ADAM22: variants seen among roughly 807,000 people sequenced by gnomAD.
ADAM22 encodes the protein disintegrin and metalloproteinase domain-containing protein 22.
A neutral mutation model predicts 144.6 loss-of-function variants in ADAM22; 65 were observed. The ratio of observed to expected loss-of-function variants is 0.45; its 90% CI spans 0.37 to 0.55. The LOEUF (loss-of-function observed/expected upper bound fraction) is 0.55, where lower values mean the gene tolerates loss of function less well. Among genes scored for constraint, ADAM22 ranks in the 20% least tolerant of loss-of-function variants. The pLI, the probability that ADAM22 is intolerant of heterozygous loss-of-function variation, is 0.00. For missense variants in ADAM22, 974 were observed against 1,184.9 expected, an observed-to-expected ratio of 0.82 and a Z score of 2.61; for synonymous variants, 391 against 412.6, an observed-to-expected ratio of 0.95 and a Z score of 0.63.
intron 28 of ADAM22, 45 bp from the exon 29 acceptor site, chr7:88,181,913 A>T (rs1847130943): frequency 1.3e-6 from 2 of 1,551,974 alleles, no homozygotes; most frequent in Admixed American, 3.5e-5. Flanking sequence ...ACATAGGGCA[A>T]TCACTTATTT....
intron 3 of ADAM22, among the ~76,000 whole-genome samples, chr7:88,053,017 A>G (rs1445895534): frequency 6.6e-6 from 1 of 152,170 alleles, no homozygotes; most frequent in East Asian, 1.9e-4. Flanking sequence ...CAGAATTTTA[A>G]AAAGTTTCCT....
At chr7:88,029,508 C>T (rs564819916) in intron 3 of ADAM22, among the ~76,000 whole-genome samples, 1 of 152,192 alleles carries the variant, frequency 6.6e-6, no homozygotes, top group South Asian at 2.1e-4. Flanking sequence ...GTAGTTTATA[C>T]ACCAAAATTA....
chr7:88,198,583 C>G lies in ADAM22; in HGVS notation c.*2092C>G, dbSNP rs1406541253. 7 of 152,128 alleles carry G rather than the reference C, an allele frequency of 4.6e-5. No homozygotes were observed. 9.4% of individuals were successfully genotyped at this position (152,128 alleles called of 1,614,324 possible). On this transcript the variant is annotated 3_prime_UTR_variant, in exon 32 of 32. Coordinates refer to ENST00000413139, the MANE Select transcript of ADAM22 (RefSeq NM_001324418.2). ...TTCCTGGTACTGAGTGTACAAAAGG[C>G]TAATGCTATAAGGTTTATTTTGACT...
chr7:87,959,382 T>C (rs1047443509), intron 2 of ADAM22, among the ~76,000 whole-genome samples: 13 of 152,178 alleles, frequency 8.5e-5, no homozygotes, highest in African/African-American at 2.9e-4. Context: ...CCTTTTTTTT[T>C]AAGCTCCTAT....
intron 3 of ADAM22, among the ~76,000 whole-genome samples, chr7:87,987,339 T>C (rs1220376884): frequency 6.6e-6 from 1 of 152,124 alleles, no homozygotes. Flanking sequence ...CCACCATGCC[T>C]GGCTAATTTT....
intron 3 of ADAM22, among the ~76,000 whole-genome samples, chr7:88,055,686 G>A (rs1325660521): frequency 6.6e-6 from 1 of 152,168 alleles, no homozygotes; most frequent in Non-Finnish European, 1.5e-5. Context: ...TCCATAGGGA[G>A]GGTAAGAATC....
chr7:88,185,211 G>A (rs1848014281), intron 29 of ADAM22, among the ~76,000 whole-genome samples: 1 of 152,130 alleles, frequency 6.6e-6, no homozygotes, highest in South Asian at 2.1e-4. Flanking sequence ...AGTGTGAGTT[G>A]TTTCTGAGTC....
chr7:88,146,942 AC>A (rs747354864), intron 17 of ADAM22, among the ~76,000 whole-genome samples: 2 of 152,034 alleles, frequency 1.3e-5, no homozygotes, highest in Non-Finnish European at 2.9e-5. Flanking sequence ...TTTGGCTACC[AC>A]CCCTGTTTAT....
At chr7:87,972,610 G>C (rs532412785) in intron 2 of ADAM22, among the ~76,000 whole-genome samples, 1 of 152,028 alleles carries the variant, frequency 6.6e-6, no homozygotes, top group African/African-American at 2.4e-5. Flanking sequence ...AACCAAAAAA[G>C]AGCCCGCATC....
intron 3 of ADAM22, among the ~76,000 whole-genome samples, chr7:88,008,988 A>G (rs924057059): frequency 2.0e-5 from 3 of 152,148 alleles, no homozygotes; most frequent in East Asian, 3.9e-4. Flanking sequence ...TCCAGTTAGC[A>G]TGGTTGTTTC....
chr7:87,966,721 GTTTTTTTTTTTTTTT>G (rs71120012), intron 2 of ADAM22, among the ~76,000 whole-genome samples: 15 of 39,880 alleles, frequency 3.8e-4, no homozygotes, highest in East Asian at 2.0e-3. Context: ...AAGGAAAGCC[GTTTTTTTTTTTTTTT>G]TTTTTTTTTT....
At chr7:88,107,976 A>C (rs1247292011) in intron 4 of ADAM22, among the ~76,000 whole-genome samples, 200 bp from the exon 5 acceptor site, 4 of 152,140 alleles carry the variant, frequency 2.6e-5, no homozygotes, top group Admixed American at 1.3e-4. Flanking sequence ...TATTTCCCTG[A>C]ATTTTGATTT....
At chr7:88,074,986 A>T (rs1319924592) in intron 3 of ADAM22, among the ~76,000 whole-genome samples, 2 of 152,302 alleles carry the variant, frequency 1.3e-5, no homozygotes, top group African/African-American at 4.8e-5. Context: ...GCTTTAAAAG[A>T]TTAAAAATAT....
intron 25 of ADAM22, among the ~76,000 whole-genome samples, chr7:88,170,499 C>T (rs1369263173): frequency 6.6e-6 from 1 of 151,396 alleles, no homozygotes; most frequent in African/African-American, 2.4e-5. Flanking sequence ...CCGTATGGCT[C>T]AGGAAATCAG....
Position 88,178,201 on chromosome 7 carries a change from G to A in ADAM22, c.2301-734G>A, listed in dbSNP as rs183350251. Among the ~76,000 whole-genome samples, 74 of 152,260 alleles carry A rather than the reference G, an allele frequency of 4.9e-4. 1 individual carries two copies. In the East Asian group the frequency reaches 8.7e-3, roughly 18 times the overall value. On this transcript the variant is annotated intron_variant, in intron 26 of 31. Transcript: ENST00000413139. ...ACTTGGGCACTCCTACTACAGTAGA[G>A]AGAGAGAACTAAGGTCACCCACCAA...
At position 88,130,425 on chromosome 7, in the gene ADAM22, C is replaced by G. The variant is rs778345692; in HGVS notation, c.791C>G (p.Thr264Ser). Reference protein sequence around the residue: ...KHRLSVVHTNTYAKSVVNMAD... With the variant: ...KHRLSVVHTNSYAKSVVNMAD... ...CGGCTTTCCGTTGTACATACCAATA[C>G]CTATGCGAAATCTGTGGTGAACATG... Residue 264 changes from threonine to serine, a missense_variant, in exon 10 of 32, where the codon ACC becomes AGC. Coordinates refer to ENST00000413139, the MANE Select transcript of ADAM22 (RefSeq NM_001324418.2). 3.7e-5 allele frequency: 60 copies of G among 1,613,140 alleles called. No homozygotes were observed. Among genetic ancestry groups the G allele is most frequent in the Non-Finnish European group, 5.0e-5 (59 of 1,179,422 alleles).
intron 4 of ADAM22, among the ~76,000 whole-genome samples, chr7:88,105,527 A>G (rs1250621420): frequency 6.6e-6 from 1 of 152,238 alleles, no homozygotes; most frequent in African/African-American, 2.4e-5. Flanking sequence ...CCAGTCCAAC[A>G]GCCCAACACA....
intron 31 of ADAM22, 31 bp from the exon 32 acceptor site, chr7:88,196,440 A>G (rs1433402289): frequency 1.2e-6 from 2 of 1,613,496 alleles, no homozygotes; most frequent in Non-Finnish European, 1.7e-6. Context: ...TGCTTTCACA[A>G]TGTGCAATTT....
intron 2 of ADAM22, among the ~76,000 whole-genome samples, chr7:87,953,834 GGT>G (rs1343533460): frequency 2.0e-5 from 3 of 152,068 alleles, no homozygotes; most frequent in Admixed American, 2.0e-4. Context: ...TCCTGTTTTG[GGT>G]GCATATATAT....
Sources: allele counts gnomAD v4.1 joint callset (sites outside exome capture counted in the v4.1 genomes callset), GRCh38; gene constraint gnomAD v4.1.1; transcripts MANE v1.5; gene names NCBI Gene and HGNC (gene_info 2026-07-23, HGNC 2026-07-21).